CDH13: variants seen among roughly 807,000 people sequenced by gnomAD.
CDH13 encodes the protein cadherin-13.
In CDH13, 24 loss-of-function variants were observed where a neutral mutation model predicts 63.8. The ratio of observed to expected loss-of-function variants is 0.38; its 90% CI spans 0.27 to 0.53. CDH13 has a LOEUF of 0.53. CDH13 is among the 20% of genes least tolerant of loss of function. The probability of loss-of-function intolerance (pLI) is 0.85; values close to 1 mark genes in which losing one functional copy is unlikely to be tolerated. For synonymous variants in CDH13, 503 were observed against 355.3 expected (o/e 1.42, Z -4.67); for missense variants, 1,049 against 903.1 (o/e 1.16, Z -2.07).
intron 1 of CDH13, among the ~76,000 whole-genome samples, chr16:82,646,872 T>C (rs760145473): frequency 1.6e-4 from 24 of 152,170 alleles, no homozygotes; most frequent in Non-Finnish European, 2.4e-4. Flanking sequence ...GAAGCAGATA[T>C]ACTCACAGCA....
chr16:83,365,576 G>A (rs1277254775), intron 6 of CDH13, among the ~76,000 whole-genome samples: 1 of 152,134 alleles, frequency 6.6e-6, no homozygotes, highest in African/African-American at 2.4e-5. Context: ...GCCTCACATG[G>A]CAAAGGAGAC....
At chr16:82,730,333 T>G (rs1319878446) in intron 1 of CDH13, among the ~76,000 whole-genome samples, 2 of 152,148 alleles carry the variant, frequency 1.3e-5, no homozygotes, top group Non-Finnish European at 2.9e-5. Flanking sequence ...CCTTGAGCAT[T>G]TAGAGACCAT....
At chr16:83,468,396 A>G (rs1271544593) in intron 6 of CDH13, among the ~76,000 whole-genome samples, 8 of 152,214 alleles carry the variant, frequency 5.3e-5, no homozygotes, top group Non-Finnish European at 8.8e-5. Flanking sequence ...CCTCCCCTAG[A>G]GTGTCCAGGG....
At chr16:82,791,114 G>A (rs749770189) in intron 1 of CDH13, among the ~76,000 whole-genome samples, 1 of 152,134 alleles carries the variant, frequency 6.6e-6, no homozygotes, top group Non-Finnish European at 1.5e-5. Flanking sequence ...GCAGGTGCCT[G>A]CAGTTCCAGC....
At chr16:82,882,985 G>T (rs2040758686) in intron 2 of CDH13, among the ~76,000 whole-genome samples, 1 of 152,106 alleles carries the variant, frequency 6.6e-6, no homozygotes, top group African/African-American at 2.4e-5. Context: ...ATGTGTAGAG[G>T]TCTAAAGAGA....
chr16:83,003,676 A>C (rs750184173), intron 2 of CDH13, among the ~76,000 whole-genome samples: 11 of 152,198 alleles, frequency 7.2e-5, no homozygotes, highest in African/African-American at 2.7e-4. Flanking sequence ...GGATGAACTA[A>C]AACTTAACTT....
At chr16:83,135,538 C>T (rs187555429) in intron 4 of CDH13, among the ~76,000 whole-genome samples, 296 of 152,260 alleles carry the variant, frequency 1.9e-3, no homozygotes, top group African/African-American at 7.0e-3. Flanking sequence ...TCTGTGTCAC[C>T]TGCAATTGTA....
chr16:83,428,708 C>T (rs1362319274), intron 6 of CDH13, among the ~76,000 whole-genome samples: 4 of 152,274 alleles, frequency 2.6e-5, no homozygotes, highest in African/African-American at 7.2e-5. Flanking sequence ...GATTCTGTAT[C>T]GGTTTGCGAT....
At chr16:82,935,019 C>A (rs2042622395) in intron 2 of CDH13, among the ~76,000 whole-genome samples, 1 of 152,178 alleles carries the variant, frequency 6.6e-6, no homozygotes, top group Admixed American at 6.5e-5. Flanking sequence ...ACGGCAGCAC[C>A]CCGCTCCCTC....
chr16:83,291,077 T>C (rs2151865648), intron 5 of CDH13, among the ~76,000 whole-genome samples: 1 of 152,324 alleles, frequency 6.6e-6, no homozygotes, highest in East Asian at 1.9e-4. Flanking sequence ...TCTATTTCTC[T>C]ATGAGACTAC....
At chr16:83,284,524 C>T (rs1300232233) in intron 5 of CDH13, among the ~76,000 whole-genome samples, 2 of 152,102 alleles carry the variant, frequency 1.3e-5, no homozygotes, top group Admixed American at 6.5e-5. Flanking sequence ...GTACAGGCTA[C>T]TGTGAAAAGA....
intron 3 of CDH13, among the ~76,000 whole-genome samples, chr16:83,086,072 T>A (rs72796273): frequency 0.056 from 8,551 of 152,248 alleles, 275 homozygotes; most frequent in African/African-American, 0.086. Context: ...CACCAGGGCC[T>A]TTGCATGTAC....
At chr16:83,482,942 G>T (rs541290100) in intron 6 of CDH13, among the ~76,000 whole-genome samples, 35 of 152,236 alleles carry the variant, frequency 2.3e-4, no homozygotes, top group African/African-American at 7.0e-4. Context: ...GCCATAATTG[G>T]CTCAGAACCC....
chr16:82,648,516 T>A (rs936953637), intron 1 of CDH13, among the ~76,000 whole-genome samples: 2 of 151,956 alleles, frequency 1.3e-5, no homozygotes, highest in East Asian at 3.9e-4. Context: ...CATGGAAAAA[T>A]CATATGAATG....
chr16:83,299,174 C>G lies in CDH13; in HGVS notation c.637-45688C>G, dbSNP rs538677532. On this transcript the variant is annotated intron_variant, in intron 5 of 13. Coordinates refer to ENST00000567109, the MANE Select transcript of CDH13 (RefSeq NM_001257.5). ...TAATCTGAATGGAGATAATATCTTT[C>G]TGAATCATGTATATTTTCATTTTTT... Among the ~76,000 whole-genome samples, 486 of 151,962 alleles carry G rather than the reference C, an allele frequency of 3.2e-3. 3 individuals are homozygous for G. The highest frequency in any genetic ancestry group is 0.011 in the African/African-American group (457 of 41,412).
At chr16:82,967,075 C>T (rs1228167314) in intron 2 of CDH13, among the ~76,000 whole-genome samples, 1 of 152,114 alleles carries the variant, frequency 6.6e-6, no homozygotes, top group South Asian at 2.1e-4. Context: ...TCTTTCGTGA[C>T]CATGACATAG....
chr16:83,525,053 C>G (rs917156774), intron 7 of CDH13, among the ~76,000 whole-genome samples: 1 of 152,162 alleles, frequency 6.6e-6, no homozygotes, highest in African/African-American at 2.4e-5. Flanking sequence ...AGTTATTGGT[C>G]TGATGCACAC....
intron 5 of CDH13, among the ~76,000 whole-genome samples, chr16:83,238,075 C>T (rs1013923295): frequency 6.8e-6 from 1 of 147,968 alleles, no homozygotes; most frequent in Non-Finnish European, 1.5e-5. Flanking sequence ...TCATCTCAGC[C>T]TGTAGCATTA....
intron 3 of CDH13, among the ~76,000 whole-genome samples, chr16:83,063,841 G>T (rs2031785248): frequency 6.6e-6 from 1 of 152,164 alleles, no homozygotes; most frequent in Admixed American, 6.5e-5. Flanking sequence ...TCTGGAGGCA[G>T]TCGTGACCCC....
Sources: allele counts gnomAD v4.1 joint callset (sites outside exome capture counted in the v4.1 genomes callset), GRCh38; gene constraint gnomAD v4.1.1; transcripts MANE v1.5; gene names NCBI Gene and HGNC (gene_info 2026-07-23, HGNC 2026-07-21).